RICTOR: variants seen among roughly 807,000 people sequenced by gnomAD.
RICTOR encodes RPTOR independent companion of MTOR complex 2, also known as rapamycin-insensitive companion of mTOR.
RICTOR carries 49 observed loss-of-function variants against 214.9 expected under a neutral mutation model. The observed-to-expected ratio is 0.23, with a 90% CI of 0.18 to 0.29. RICTOR has a LOEUF of 0.29. RICTOR is among the 10% of genes least tolerant of loss of function. RICTOR has a pLI of 1.00. For missense variants in RICTOR, 1,625 were observed against 2,047.0 expected (o/e 0.79, Z 3.98); for synonymous variants, 717 against 711.3 (o/e 1.01, Z -0.13).
Position 38,952,203 on chromosome 5 carries a change from C to A in RICTOR, c.3120G>T (p.Val1040=), listed in dbSNP as rs1259784334. Residue 1040 remains valine (V), a synonymous_variant, in exon 30 of 38, where the codon GTG becomes GTT. Transcript: ENST00000357387. ...ACCTGTCAGGATACTCACTCGATGG[C>A]ACAGATTCACTTTCACTATTATGTC... ...SSRHNSESES[V]PSSMFILEDD... 1 of 1,591,602 alleles carries A rather than the reference C, an allele frequency of 6.3e-7. No individual in the cohort carries two copies. The highest frequency in any genetic ancestry group is 8.6e-7 in the Non-Finnish European group (1 of 1,160,222).
intron 7 of RICTOR, among the ~76,000 whole-genome samples, chr5:38,984,586 C>T (rs961559076): frequency 6.6e-5 from 10 of 152,094 alleles, no homozygotes; most frequent in African/African-American, 2.4e-4. Context: ...AATCACAGTT[C>T]TGACTCTGTC....
At chr5:38,959,693 G>C in intron 21 of RICTOR, 86 bp downstream of exon 21, 2 of 863,492 alleles carry the variant, frequency 2.3e-6, no homozygotes, top group Non-Finnish European at 3.8e-6. Context: ...CCAAACACAT[G>C]TACACAGAAT....
At chr5:38,982,702 A>G (rs1261187290) in intron 7 of RICTOR, among the ~76,000 whole-genome samples, 1 of 152,034 alleles carries the variant, frequency 6.6e-6, no homozygotes, top group East Asian at 1.9e-4. Context: ...CAGGGTCAGC[A>G]ACTCTTGATT....
At chr5:39,064,307 C>T (rs767020174) in intron 2 of RICTOR, among the ~76,000 whole-genome samples, 6 of 152,170 alleles carry the variant, frequency 3.9e-5, no homozygotes, top group Non-Finnish European at 8.8e-5. Context: ...ATTATTCATA[C>T]AGATTAACAA....
rs1561503643 is a variant in RICTOR, at chr5:38,990,834, A to AGATATATGAGATATAT, written c.583+99_583+114dup. On this transcript the variant is annotated intron_variant, in intron 7 of 37. Transcript: ENST00000357387. ...AGATATATGAGATATATGATATATG[A>AGATATATGAGATATAT]GATATATGAGATATATGATATATAT... 4.3e-4 allele frequency: 61 copies of AGATATATGAGATATAT among 142,564 alleles called. 1 individual carries two copies. The highest frequency in any genetic ancestry group is 2.7e-3 in the African/African-American group (24 of 8,784). 8.8% of individuals were successfully genotyped at this position (142,564 alleles called of 1,614,324 possible).
chr5:38,952,365 T>C lies in RICTOR; in HGVS notation c.2958A>G (p.Lys986=), dbSNP rs1345128615. ...AKTKQGCDIL[K]CHNWDAVRHS... Reference sequence around the variant, plus strand: ...GCCTCACAGCATCCCAGTTGTGACATTTTAGAATATCACAGCCTTGTTTGG... The same window carrying C: ...GCCTCACAGCATCCCAGTTGTGACACTTTAGAATATCACAGCCTTGTTTGG... Residue 986 remains lysine (K), a synonymous_variant, in exon 30 of 38, where the codon AAA becomes AAG. Transcript: ENST00000357387. 90 of 1,612,892 alleles carry C rather than the reference T, an allele frequency of 5.6e-5. No homozygotes were observed. Among genetic ancestry groups the C allele is most frequent in the Non-Finnish European group, 7.5e-5 (89 of 1,179,292 alleles).
chr5:38,983,826 A>G (rs1218607214), intron 7 of RICTOR, among the ~76,000 whole-genome samples: 1 of 152,014 alleles, frequency 6.6e-6, no homozygotes, highest in African/African-American at 2.4e-5. Context: ...TTAGCTGGGC[A>G]TGGTGGTGCG....
chr5:39,048,681 C>T (rs1262677716), intron 2 of RICTOR, among the ~76,000 whole-genome samples: 2 of 152,142 alleles, frequency 1.3e-5, no homozygotes, highest in Non-Finnish European at 2.9e-5. Flanking sequence ...AATTTTGTGT[C>T]ATATCTTTTT....
intron 21 of RICTOR, 143 bp downstream of exon 21, chr5:38,959,636 A>G (rs563148846): frequency 6.2e-5 from 39 of 626,928 alleles, no homozygotes; most frequent in East Asian, 6.1e-4. Context: ...AACAATTTTA[A>G]AAAGAATATT....
chr5:39,073,774 G>A (rs144289805), intron 2 of RICTOR, among the ~76,000 whole-genome samples: 345 of 152,250 alleles, frequency 2.3e-3, no homozygotes, highest in African/African-American at 8.0e-3. Context: ...CCCTAGCTTG[G>A]GCTGCCGGAC....
intron 5 of RICTOR, among the ~76,000 whole-genome samples, chr5:39,001,474 C>G (rs981174494): frequency 1.3e-5 from 2 of 151,970 alleles, no homozygotes; most frequent in Non-Finnish European, 2.9e-5. Context: ...GACTTAAACA[C>G]GTATAAAGGA....
At chr5:38,948,061 T>G (rs1263554031) in intron 31 of RICTOR, among the ~76,000 whole-genome samples, 1 of 152,128 alleles carries the variant, frequency 6.6e-6, no homozygotes, top group Non-Finnish European at 1.5e-5. Flanking sequence ...AGAGATTCCA[T>G]AACAAATATG....
At chr5:39,057,963 A>T (rs1758305840) in intron 2 of RICTOR, among the ~76,000 whole-genome samples, 1 of 152,062 alleles carries the variant, frequency 6.6e-6, no homozygotes, top group Non-Finnish European at 1.5e-5. Context: ...TTTCACTTTC[A>T]TATTTACTCT....
chr5:39,055,371 G>A (rs114163180), intron 2 of RICTOR, among the ~76,000 whole-genome samples: 1,632 of 150,924 alleles, frequency 0.011, 11 homozygotes, highest in Non-Finnish European at 0.019. Flanking sequence ...GTGCCTCCTC[G>A]GTATCAATTA....
intron 2 of RICTOR, among the ~76,000 whole-genome samples, chr5:39,043,027 G>T (rs991523037): frequency 2.6e-5 from 4 of 152,142 alleles, no homozygotes; most frequent in African/African-American, 9.7e-5. Flanking sequence ...ATGTATATTA[G>T]TAAGTACAGC....
At chr5:38,999,027 CAAAAAA>C (rs1186312478) in intron 5 of RICTOR, among the ~76,000 whole-genome samples, 12 of 25,348 alleles carry the variant, frequency 4.7e-4, no homozygotes, top group African/African-American at 1.7e-3. Context: ...AACAAACAGG[CAAAAAA>C]AAAAAAAAAA....
At chr5:38,968,759 A>G (rs939291998) in intron 11 of RICTOR, among the ~76,000 whole-genome samples, 1 of 150,602 alleles carries the variant, frequency 6.6e-6, no homozygotes, top group African/African-American at 2.4e-5. Flanking sequence ...AAAAAAGTTA[A>G]CTGTAAAACA....
At chr5:39,058,444 A>C (rs188426857) in intron 2 of RICTOR, among the ~76,000 whole-genome samples, 124 of 152,230 alleles carry the variant, frequency 8.1e-4, no homozygotes, top group Non-Finnish European at 1.4e-3. Flanking sequence ...CAGTCTAATA[A>C]AGTTCTAATA....
chr5:39,033,310 C>G (rs761178843), intron 2 of RICTOR, among the ~76,000 whole-genome samples: 1 of 151,676 alleles, frequency 6.6e-6, no homozygotes, highest in African/African-American at 2.4e-5. Flanking sequence ...GGCTGGAGCG[C>G]TGGAGTGCAA....
Sources: gnomAD v4.1 joint callset for allele counts (sites outside exome capture counted in the v4.1 genomes callset) on GRCh38, gnomAD v4.1.1 for gene constraint, MANE v1.5 for transcripts, NCBI Gene and HGNC (gene_info 2026-07-23, HGNC 2026-07-21) for gene names.